Variants in PRRX2 observed in about 807,000 individuals in gnomAD.
PRRX2 encodes the protein paired mesoderm homeobox protein 2.
PRRX2 carries 11 observed loss-of-function variants against 18.0 expected under a neutral mutation model. That is an observed-to-expected ratio of 0.61 (90% CI 0.39 to 1.01). The LOEUF is 1.01. PRRX2 is among the 50% of genes least tolerant of loss of function. The probability of loss-of-function intolerance (pLI) is 0.01; values close to 1 mark genes in which losing one functional copy is unlikely to be tolerated. For missense variants in PRRX2, 387 were observed against 351.0 expected (o/e 1.10, Z -0.82); for synonymous variants, 177 against 154.8 (o/e 1.14, Z -1.06).
intron 1 of PRRX2, among the ~76,000 whole-genome samples, chr9:129,698,253 G>C (rs1270015792): frequency 1.4e-5 from 1 of 70,742 alleles, no homozygotes; most frequent in African/African-American, 8.1e-5. Flanking sequence ...GTGGTTGGAT[G>C]GGGCGGGGGG....
chr9:129,693,146 C>G (rs987581792), intron 1 of PRRX2, among the ~76,000 whole-genome samples: 1 of 152,168 alleles, frequency 6.6e-6, no homozygotes, highest in Non-Finnish European at 1.5e-5. Flanking sequence ...CCCAGTGATA[C>G]AAGATACGGT....
intron 1 of PRRX2, among the ~76,000 whole-genome samples, chr9:129,670,090 T>G (rs926974108): frequency 1.4e-5 from 2 of 147,384 alleles, no homozygotes; most frequent in Non-Finnish European, 3.0e-5. Flanking sequence ...AATCCTACAG[T>G]ATTTGCCGTT....
intron 1 of PRRX2, among the ~76,000 whole-genome samples, chr9:129,704,361 C>T (rs1832534281): frequency 6.6e-6 from 1 of 152,158 alleles, no homozygotes; most frequent in East Asian, 1.9e-4. Flanking sequence ...TGTCCCAATA[C>T]AGATGGTGAA....
At chr9:129,692,774 T>C (rs1832376885) in intron 1 of PRRX2, among the ~76,000 whole-genome samples, 1 of 152,210 alleles carries the variant, frequency 6.6e-6, no homozygotes, top group South Asian at 2.1e-4. Flanking sequence ...TGTCTGGATG[T>C]AGCACAGTTT....
At position 129,715,811 on chromosome 9, in the gene PRRX2, G is replaced by C. The variant is rs552630655; in HGVS notation, c.260-3420G>C. On this transcript the variant is annotated intron_variant, in intron 1 of 3. Transcript: ENST00000372469. This position sits in a 1 kb window ranked among gnomAD's most constrained non-coding sequence, Gnocchi z 4.0. Reference sequence around the variant, plus strand: ...ACACACACTCATTTACAGTCTCATGGAGCAATTTAACCTTACATCAAATCA... The same window carrying C: ...ACACACACTCATTTACAGTCTCATGCAGCAATTTAACCTTACATCAAATCA... 6.7e-6 allele frequency among the ~76,000 whole-genome samples: 1 copy of C among 150,254 alleles called. No homozygotes were observed. The highest frequency in any genetic ancestry group is 2.0e-4 in the East Asian group (1 of 5,072).
chr9:129,665,899 A>G lies in PRRX2; in HGVS notation c.32A>G (p.Asp11Gly). ...AGCGCGGCCGCCGCCTTCGCCCTGGACAAGCCGGCGCTGGGCCCGGGGCCG... is the reference window on the plus strand; with the variant it reads ...AGCGCGGCCGCCGCCTTCGCCCTGGGCAAGCCGGCGCTGGGCCCGGGGCCG... MDSAAAAFALDKPALGPGPPP... is the reference protein window; with the variant it reads MDSAAAAFALGKPALGPGPPP... Residue 11 changes from aspartate to glycine, a missense_variant, in exon 1 of 4, where the codon GAC (aspartate) becomes GGC (glycine). By Grantham distance (94) the Asp-to-Gly change is moderately conservative (BLOSUM62 -1). Coordinates refer to ENST00000372469, the MANE Select transcript of PRRX2 (RefSeq NM_016307.4). This position sits in a 1 kb window ranked among gnomAD's most constrained non-coding sequence, Gnocchi z 5.3. 1 of 1,100,070 alleles carries G rather than the reference A, an allele frequency of 9.1e-7. No individual in the cohort carries two copies. The highest frequency in any genetic ancestry group is 1.1e-6 in the Non-Finnish European group (1 of 907,096). The allele number at this position is 1,100,070 out of a possible 1,614,324, so 68.1% of individuals were successfully genotyped here. A position where few individuals can be genotyped will look rare whatever the true frequency, so the allele number is the denominator to read the frequency against.
chr9:129,680,770 C>T (rs1051889991), intron 1 of PRRX2, among the ~76,000 whole-genome samples: 10 of 152,316 alleles, frequency 6.6e-5, no homozygotes, highest in Admixed American at 5.9e-4. Context: ...GATCCCCTCT[C>T]TGGAAGGACA....
rs1027874359 is a variant in PRRX2, at chr9:129,677,000, C to T, written c.259+10874C>T. Among the ~76,000 whole-genome samples, 4 of 152,210 alleles carry T rather than the reference C, an allele frequency of 2.6e-5. No homozygotes were observed. In the East Asian group the frequency reaches 5.8e-4, roughly 22 times the overall value. On this transcript the variant is annotated intron_variant, in intron 1 of 3. Coordinates refer to ENST00000372469, the MANE Select transcript of PRRX2 (RefSeq NM_016307.4). ...CCCTAAGAGACTGTATGTTAAACTC[C>T]GTGCCTCCCCACTTGCCACCAAGAT...
At chr9:129,696,032 A>G (rs113800607) in intron 1 of PRRX2, among the ~76,000 whole-genome samples, 1,737 of 152,264 alleles carry the variant, frequency 0.011, 44 homozygotes, top group African/African-American at 0.04. Flanking sequence ...ATTTGCAAGC[A>G]CACATGCTTA....
chr9:129,716,051 T>C (rs1832702892), intron 1 of PRRX2, among the ~76,000 whole-genome samples: 1 of 152,136 alleles, frequency 6.6e-6, no homozygotes, highest in Non-Finnish European at 1.5e-5. Context: ...TCCAAAGCTC[T>C]TCTGTTGGCC....
In PRRX2 at chr9:129,715,155, G is replaced by A. The variant is rs922359093; in HGVS notation, c.260-4076G>A. 2.6e-5 allele frequency among the ~76,000 whole-genome samples: 4 copies of A among 152,096 alleles called. No homozygotes were observed. Among genetic ancestry groups the A allele is most frequent in the Non-Finnish European group, 4.4e-5 (3 of 68,034 alleles). ...GCCCCCACAGCCCCCGCCTGGTCCC[G>A]TATGTTTGCAAGTATTTCCCAAAGG... is the stretch of plus-strand genomic sequence containing the variant. On this transcript the variant is annotated intron_variant, in intron 1 of 3. Coordinates refer to ENST00000372469, the MANE Select transcript of PRRX2 (RefSeq NM_016307.4). The surrounding 1 kb of genome is among the most constrained non-coding windows in gnomAD (Gnocchi z 4.0).
At chr9:129,674,523 G>A (rs937558309) in intron 1 of PRRX2, among the ~76,000 whole-genome samples, 2 of 152,118 alleles carry the variant, frequency 1.3e-5, no homozygotes, top group Non-Finnish European at 2.9e-5. Context: ...TGCAAAACTC[G>A]CAGTCTTTGG....
intron 1 of PRRX2, among the ~76,000 whole-genome samples, chr9:129,682,538 G>A (rs1238178963): frequency 1.3e-5 from 2 of 152,112 alleles, no homozygotes; most frequent in Non-Finnish European, 2.9e-5. Flanking sequence ...CCACCCTGGG[G>A]CGGGGTGGTG....
rs984094262 is a variant in PRRX2, at chr9:129,715,222, C to T, written c.260-4009C>T. Among the ~76,000 whole-genome samples the T allele has an allele frequency of 6.6e-6, 1 of 152,198 alleles. No individual in the cohort carries two copies. The highest frequency in any genetic ancestry group is 6.5e-5 in the Admixed American group (1 of 15,278). On this transcript the variant is annotated intron_variant, in intron 1 of 3. Coordinates refer to ENST00000372469, the MANE Select transcript of PRRX2 (RefSeq NM_016307.4). This position sits in a 1 kb window ranked among gnomAD's most constrained non-coding sequence, Gnocchi z 4.0. ...TAACCTCCTAGTCATCCCTCTAAAC[C>T]AGGGTTTCTCAACCTCAGTGCCATT...
At chr9:129,683,430 T>TAA (rs1381248898) in intron 1 of PRRX2, among the ~76,000 whole-genome samples, 1 of 152,064 alleles carries the variant, frequency 6.6e-6, no homozygotes, top group Non-Finnish European at 1.5e-5. Context: ...AGCTTACAGG[T>TAA]AACTGATAAA....
rs568330077 is a variant in PRRX2, at chr9:129,717,695, CAAAAAAAAAA to C, written c.260-1526_260-1517del. The stretch of plus-strand genomic sequence containing the variant: ...TGGAGGACAGAACAAGACTCCGCCT[CAAAAAAAAAA>C]AAAAAAAAAGAAAAAGAAAAAAGAA... On this transcript the variant is annotated intron_variant, in intron 1 of 3. Coordinates refer to ENST00000372469, the MANE Select transcript of PRRX2 (RefSeq NM_016307.4). Among the ~76,000 whole-genome samples the C allele has an allele frequency of 4.8e-5, 4 of 82,528 alleles. No homozygotes were observed. The East Asian group carries it at 1.3e-3, about 26-fold the overall frequency. The allele number at this position is 82,528 out of a possible 152,430, so 54.1% of individuals were successfully genotyped here. A position where few individuals can be genotyped will look rare whatever the true frequency, so the allele number is the denominator to read the frequency against.
Position 129,715,756 on chromosome 9 carries a change from A to T in PRRX2, c.260-3475A>T, listed in dbSNP as rs926284208. Among the ~76,000 whole-genome samples, 783 of 111,596 alleles carry T rather than the reference A, an allele frequency of 7.0e-3. 5 individuals carry two copies. The highest frequency in any genetic ancestry group is 0.022 in the African/African-American group (539 of 24,024). 73.2% of individuals were successfully genotyped at this position (111,596 alleles called of 152,430 possible). ...AGCTTCAGGGACATCTTTCTCACAC[A>T]CACACACACACACACACACACACAC... is the stretch of plus-strand genomic sequence containing the variant. On this transcript the variant is annotated intron_variant, in intron 1 of 3. Transcript: ENST00000372469. The surrounding 1 kb of genome is among the most constrained non-coding windows in gnomAD (Gnocchi z 4.0).
chr9:129,699,106 T>C (rs1832464429), intron 1 of PRRX2, among the ~76,000 whole-genome samples: 1 of 152,194 alleles, frequency 6.6e-6, no homozygotes, highest in African/African-American at 2.4e-5. Context: ...CCCTAGCCCA[T>C]GCTCTGGCCT....
At chr9:129,672,501 C>A (rs923121209) in intron 1 of PRRX2, among the ~76,000 whole-genome samples, 4 of 152,218 alleles carry the variant, frequency 2.6e-5, no homozygotes, top group Non-Finnish European at 5.9e-5. Flanking sequence ...CTGCCTGAAG[C>A]TGCCCCTGGC....
Sources: gnomAD v4.1 joint callset for allele counts (sites outside exome capture counted in the v4.1 genomes callset) on GRCh38, gnomAD v4.1.1 for gene constraint, Gnocchi (gnomAD v3.1) non-coding constraint, MANE v1.5 for transcripts, NCBI Gene and HGNC (gene_info 2026-07-23, HGNC 2026-07-21) for gene names.